Variants in ANKRD36B observed in about 807,000 individuals in gnomAD.
ANKRD36B encodes the protein ankyrin repeat domain-containing protein 36B.
A neutral mutation model predicts 135.7 loss-of-function variants in ANKRD36B; 37 were observed. The observed-to-expected ratio is 0.27, with a 90% CI of 0.21 to 0.36. The LOEUF (loss-of-function observed/expected upper bound fraction) is 0.36, where lower values mean the gene tolerates loss of function less well. ANKRD36B is among the 10% of genes least tolerant of loss of function. The pLI, the probability that ANKRD36B is intolerant of heterozygous loss-of-function variation, is 1.00. For missense variants in ANKRD36B, 549 were observed against 1,037.1 expected (o/e 0.53, Z 6.46); for synonymous variants, 179 against 348.1 (o/e 0.51, Z 5.41).
At chr2:97,527,769 A>G (rs187096141) in intron 35 of ANKRD36B, among the ~76,000 whole-genome samples, 1,557 of 96,236 alleles carry the variant, frequency 0.016, 424 homozygotes, top group African/African-American at 0.045. Flanking sequence ...CTCTGATAAA[A>G]CAGACTTTAA....
At chr2:97,562,214 T>C (rs2081087866) in intron 6 of ANKRD36B, among the ~76,000 whole-genome samples, 1 of 151,710 alleles carries the variant, frequency 6.6e-6, no homozygotes, top group African/African-American at 2.4e-5. Context: ...AGACTTCTTT[T>C]CTTATAAATA....
chr2:97,547,974 A>C lies in ANKRD36B; in HGVS notation c.1478-243T>G, dbSNP rs1243742830. 2.0e-5 allele frequency among the ~76,000 whole-genome samples: 3 copies of C among 151,908 alleles called. No individual in the cohort carries two copies. In the East Asian group the frequency reaches 5.9e-4, roughly 30 times the overall value. On this transcript the variant is annotated intron_variant, in intron 20 of 43. Coordinates refer to ENST00000359901, the MANE Select transcript of ANKRD36B (RefSeq NM_001393939.1). ...TATGATTTGTTATATGCCAAAAACTAAAATAAAACCGTGTCAATATCAACG... is the reference window on the plus strand; with the variant it reads ...TATGATTTGTTATATGCCAAAAACTCAAATAAAACCGTGTCAATATCAACG...
intron 6 of ANKRD36B, among the ~76,000 whole-genome samples, chr2:97,567,165 CG>C (rs1228745311): frequency 1.3e-5 from 2 of 149,566 alleles, no homozygotes; most frequent in Non-Finnish European, 3.0e-5. Context: ...GTGCAAGATA[CG>C]GGGGGAAAGT....
chr2:97,544,350 A>C lies in ANKRD36B; in HGVS notation c.1682-365T>G. Among the ~76,000 whole-genome samples, 2 of 94,948 alleles carry C rather than the reference A, an allele frequency of 2.1e-5. 1 individual carries two copies. The highest frequency in any genetic ancestry group is 5.6e-5 in the Non-Finnish European group (2 of 35,562). 62.3% of individuals were successfully genotyped at this position (94,948 alleles called of 152,430 possible). A position where few individuals can be genotyped will look rare whatever the true frequency, so the allele number is the denominator to read the frequency against. ...CAAAGCAGGTTCTACATGATGCCACATGTCTTTCATGCAAGAAATCACAAG... is the reference window on the plus strand; with the variant it reads ...CAAAGCAGGTTCTACATGATGCCACCTGTCTTTCATGCAAGAAATCACAAG... On this transcript the variant is annotated intron_variant, in intron 24 of 43. Transcript: ENST00000359901.
chr2:97,556,321 T>C (rs1174987019), intron 12 of ANKRD36B, among the ~76,000 whole-genome samples: 2 of 151,924 alleles, frequency 1.3e-5, no homozygotes, highest in South Asian at 2.1e-4. Flanking sequence ...CACTCCTTCC[T>C]GATTCCGGTA....
chr2:97,551,498 T>C lies in ANKRD36B; in HGVS notation c.1274-18A>G, dbSNP rs768225416. On this transcript the variant is annotated intron_variant, in intron 16 of 43. Coordinates refer to ENST00000359901, the MANE Select transcript of ANKRD36B (RefSeq NM_001393939.1). ...AGAAGACACTGAAAAGCAAAAGGGA[T>C]ACATAATCACTCATATGTAACTATG... The C allele has an allele frequency of 6.2e-7, 1 of 1,607,554 alleles. No individual in the cohort carries two copies.
Position 97,585,119 on chromosome 2 carries a change from T to C in ANKRD36B, c.277-2A>G, listed in dbSNP as rs2104359587. ...AGCCTCCTGCCTCAGTTGTACAGCC[T>C]GTCAGTATTAGACCGAGAAACATGC... On this transcript the variant is annotated splice_acceptor_variant, in intron 2 of 43. Coordinates refer to ENST00000359901, the MANE Select transcript of ANKRD36B (RefSeq NM_001393939.1). LOFTEE classifies it high-confidence loss of function. 6.2e-7 allele frequency: 1 copy of C among 1,613,632 alleles called. No individual in the cohort carries two copies. Among genetic ancestry groups the C allele is most frequent in the Non-Finnish European group, 8.5e-7 (1 of 1,179,738 alleles).
chr2:97,554,713 G>A (rs935430653), intron 14 of ANKRD36B, among the ~76,000 whole-genome samples: 1 of 151,884 alleles, frequency 6.6e-6, no homozygotes, highest in African/African-American at 2.4e-5. Flanking sequence ...ACGATGTGAC[G>A]TTTGTAAAAT....
chr2:97,555,749 T>C (rs1244946407), intron 12 of ANKRD36B, among the ~76,000 whole-genome samples: 1 of 151,948 alleles, frequency 6.6e-6, no homozygotes, highest in Non-Finnish European at 1.5e-5. Flanking sequence ...TTCACGTCTC[T>C]TAAGTGGAAG....
intron 6 of ANKRD36B, among the ~76,000 whole-genome samples, chr2:97,573,474 T>C (rs2082022076): frequency 6.6e-6 from 1 of 152,144 alleles, no homozygotes; most frequent in African/African-American, 2.4e-5. Flanking sequence ...CAAGGTAATT[T>C]ATAGATTCAA....
chr2:97,549,141 T>G (rs756168558), intron 20 of ANKRD36B, among the ~76,000 whole-genome samples: 3,042 of 150,040 alleles, frequency 0.02, no homozygotes, highest in African/African-American at 0.071. Flanking sequence ...AAAACTATGC[T>G]CTTCCCCAGA....
chr2:97,550,904 A>C (rs1339513072), intron 18 of ANKRD36B, among the ~76,000 whole-genome samples: 1 of 151,874 alleles, frequency 6.6e-6, no homozygotes, highest in Non-Finnish European at 1.5e-5. Flanking sequence ...TCTATGGGTT[A>C]TTATGAACAG....
In ANKRD36B at chr2:97,558,741, A is replaced by G. The variant is rs561191430; in HGVS notation, c.967+58T>C. The G allele has an allele frequency of 1.3e-5, 21 of 1,604,302 alleles. No homozygotes were observed. The African/African-American group carries it at 2.1e-4, about 16-fold the overall frequency. On this transcript the variant is annotated intron_variant, in intron 10 of 43. Coordinates refer to ENST00000359901, the MANE Select transcript of ANKRD36B (RefSeq NM_001393939.1). ...AATCCCCCGCTGATTTATTCGGGGA[A>G]GAGAAGTACTTTTCTATCTTGACTG...
At chr2:97,586,353 G>A (rs1481845998) in intron 1 of ANKRD36B, among the ~76,000 whole-genome samples, 1 of 151,318 alleles carries the variant, frequency 6.6e-6, no homozygotes, top group Non-Finnish European at 1.5e-5. Flanking sequence ...TTTTGAAATG[G>A]CAGTTAAAGG....
intron 28 of ANKRD36B, among the ~76,000 whole-genome samples, chr2:97,540,659 TTTAAC>T (rs1344065410): frequency 1.0e-5 from 1 of 95,924 alleles, no homozygotes; most frequent in African/African-American, 3.1e-5. Context: ...CATCATGCTC[TTTAAC>T]TTGCCCGATA....
chr2:97,534,583 G>A (rs139345720), intron 34 of ANKRD36B, among the ~76,000 whole-genome samples: 5,022 of 96,434 alleles, frequency 0.052, 1,522 homozygotes, highest in African/African-American at 0.15. Flanking sequence ...AAAGGTGCTC[G>A]ACATCACTGA....
rs545645505 is a variant in ANKRD36B at position 97,543,561 on chromosome 2, TTTC to T, written c.1783+226_1783+228del. Among the ~76,000 whole-genome samples the T allele has an allele frequency of 4.4e-4, 42 of 95,812 alleles. 4 individuals carry two copies. In the South Asian group the frequency reaches 9.0e-3, roughly 21 times the overall value. The allele number at this position is 95,812 out of a possible 152,430, so 62.9% of individuals were successfully genotyped here. A position where few individuals can be genotyped will look rare whatever the true frequency, so the allele number is the denominator to read the frequency against. ...CTTATGTCTTGAACTGCTCTCCATA[TTTC>T]TTCTTCCCAATTTCAATGTGGGGAA... On this transcript the variant is annotated intron_variant, in intron 26 of 43. Transcript: ENST00000359901.
chr2:97,560,578 T>C (rs370555422), intron 8 of ANKRD36B, 87 bp downstream of exon 8: 21 of 1,563,818 alleles, frequency 1.3e-5, no homozygotes, highest in African/African-American at 4.1e-5. Context: ...GTGCAGCTTA[T>C]ATGAACTCCC....
intron 20 of ANKRD36B, among the ~76,000 whole-genome samples, chr2:97,548,002 G>C (rs1171830921): frequency 6.6e-6 from 1 of 151,776 alleles, no homozygotes; most frequent in Admixed American, 6.6e-5. Context: ...TATCAACGTG[G>C]ATATGCTGAG....
Sources: allele counts gnomAD v4.1 joint callset (sites outside exome capture counted in the v4.1 genomes callset), GRCh38; gene constraint gnomAD v4.1.1; transcripts MANE v1.5; gene names NCBI Gene and HGNC (gene_info 2026-07-23, HGNC 2026-07-21).